The following MACROD2 variants were observed in gnomAD, a reference collection of about 807,000 sequenced individuals.
MACROD2 encodes the protein mono-ADP ribosylhydrolase 2.
Under a neutral mutation model 70.4 loss-of-function variants are expected in MACROD2, and 36 were observed. That is an observed-to-expected ratio of 0.51 (90% CI 0.39 to 0.68). The LOEUF (loss-of-function observed/expected upper bound fraction) is 0.68. MACROD2 is among the 30% of genes least tolerant of loss of function. The pLI is 0.00. For missense variants in MACROD2, 496 were observed against 538.4 expected, an observed-to-expected ratio of 0.92 and a Z score of 0.78; for synonymous variants, 172 against 178.8, an observed-to-expected ratio of 0.96 and a Z score of 0.30.
intron 10 of MACROD2, among the ~76,000 whole-genome samples, chr20:15,888,853 C>A (rs1284618494): frequency 1.3e-5 from 2 of 152,100 alleles, no homozygotes; most frequent in Non-Finnish European, 2.9e-5. Flanking sequence ...GGTGTGCATG[C>A]TGGCTTCATT....
intron 8 of MACROD2, among the ~76,000 whole-genome samples, chr20:15,839,550 A>G (rs1441463065): frequency 1.3e-5 from 2 of 152,182 alleles, no homozygotes; most frequent in Non-Finnish European, 1.5e-5. Flanking sequence ...GGGATAAGAA[A>G]CATGTGAAAC....
chr20:15,531,236 G>GAA, intron 8 of MACROD2, among the ~76,000 whole-genome samples: 1 of 151,270 alleles, frequency 6.6e-6, no homozygotes, highest in Non-Finnish European at 1.5e-5. Flanking sequence ...AAATCCCATT[G>GAA]TATTTTACTT....
chr20:15,505,293 G>T (rs986101581), intron 8 of MACROD2, among the ~76,000 whole-genome samples: 2 of 152,172 alleles, frequency 1.3e-5, no homozygotes, highest in Non-Finnish European at 2.9e-5. Flanking sequence ...GCTAGTCAGG[G>T]AATACGGCTT....
At chr20:15,920,623 C>T (rs1220861642) in intron 10 of MACROD2, among the ~76,000 whole-genome samples, 2 of 152,122 alleles carry the variant, frequency 1.3e-5, no homozygotes, top group African/African-American at 4.8e-5. Context: ...GACTCCACAA[C>T]ATGCAGTTTT....
chr20:14,914,275 G>T (rs547940468), intron 5 of MACROD2, among the ~76,000 whole-genome samples: 1 of 152,274 alleles, frequency 6.6e-6, no homozygotes, highest in East Asian at 1.9e-4. Context: ...ATTCAAGATT[G>T]TTCTGTTAAG....
chr20:15,665,352 G>T (rs1321537266), intron 8 of MACROD2, among the ~76,000 whole-genome samples: 1 of 152,068 alleles, frequency 6.6e-6, no homozygotes, highest in African/African-American at 2.4e-5. Flanking sequence ...TGACGTGCGT[G>T]GATTCCTATC....
chr20:16,016,596 C>T (rs1382503482), intron 15 of MACROD2, among the ~76,000 whole-genome samples: 1 of 152,132 alleles, frequency 6.6e-6, no homozygotes, highest in Non-Finnish European at 1.5e-5. Flanking sequence ...AGCACAGTGG[C>T]GCGATCTCGG....
intron 8 of MACROD2, among the ~76,000 whole-genome samples, chr20:15,600,801 A>G (rs954714238): frequency 2.3e-4 from 35 of 152,228 alleles, no homozygotes; most frequent in Non-Finnish European, 1.6e-4. Flanking sequence ...ATGCAGTGGC[A>G]GAGAAGAGCT....
At chr20:15,690,407 TTA>T (rs1266979513) in intron 8 of MACROD2, among the ~76,000 whole-genome samples, 2 of 152,134 alleles carry the variant, frequency 1.3e-5, no homozygotes, top group African/African-American at 4.8e-5. Flanking sequence ...AAGAAACAAG[TTA>T]AAGTTCCATT....
chr20:15,935,531 T>C (rs1434326740), intron 11 of MACROD2, among the ~76,000 whole-genome samples: 1 of 152,216 alleles, frequency 6.6e-6, no homozygotes, highest in East Asian at 1.9e-4. Context: ...TTCAATATAA[T>C]TTCCAGCTTC....
intron 7 of MACROD2, among the ~76,000 whole-genome samples, chr20:15,462,801 A>G (rs2224300): frequency 0.66 from 100,773 of 151,996 alleles, 34,459 homozygotes; most frequent in African/African-American, 0.81. Flanking sequence ...CCTTGTGGGA[A>G]CTATAATTGC....
intron 15 of MACROD2, among the ~76,000 whole-genome samples, chr20:15,989,948 G>A (rs928600867): frequency 6.6e-6 from 1 of 152,152 alleles, no homozygotes; most frequent in South Asian, 2.1e-4. Context: ...TGGCTCCCAG[G>A]TATATGGGCA....
intron 6 of MACROD2, among the ~76,000 whole-genome samples, chr20:15,276,067 A>G (rs1473573268): frequency 6.6e-6 from 1 of 152,180 alleles, no homozygotes; most frequent in Non-Finnish European, 1.5e-5. Flanking sequence ...ACTTTTCTTA[A>G]TAGAATATCA....
intron 8 of MACROD2, among the ~76,000 whole-genome samples, chr20:15,707,777 T>C (rs1294507767): frequency 6.6e-6 from 1 of 151,730 alleles, no homozygotes; most frequent in African/African-American, 2.4e-5. Flanking sequence ...AGAGTGAGAC[T>C]CTGTCTCAAC....
intron 4 of MACROD2, among the ~76,000 whole-genome samples, chr20:14,633,718 G>A (rs1449308592): frequency 1.3e-5 from 2 of 152,080 alleles, no homozygotes; most frequent in African/African-American, 4.8e-5. Flanking sequence ...CCCACATCCT[G>A]TCCTTAAACG....
intron 5 of MACROD2, among the ~76,000 whole-genome samples, chr20:14,782,857 G>A (rs947448201): frequency 6.6e-6 from 1 of 152,062 alleles, no homozygotes; most frequent in African/African-American, 2.4e-5. Flanking sequence ...CCGCATTACA[G>A]GTCACTTTGT....
intron 7 of MACROD2, among the ~76,000 whole-genome samples, chr20:15,476,275 A>G (rs1205180449): frequency 6.6e-6 from 1 of 152,246 alleles, no homozygotes; most frequent in East Asian, 1.9e-4. Context: ...TATATTTATC[A>G]AAAGAGCACT....
intron 8 of MACROD2, among the ~76,000 whole-genome samples, chr20:15,827,468 T>C (rs1171628156): frequency 1.3e-5 from 2 of 152,146 alleles, no homozygotes; most frequent in Non-Finnish European, 2.9e-5. Context: ...AAAACCCACC[T>C]GATGTTCTTT....
chr20:15,534,474 C>T (rs1011131562), intron 8 of MACROD2, among the ~76,000 whole-genome samples: 2 of 152,094 alleles, frequency 1.3e-5, no homozygotes, highest in African/African-American at 2.4e-5. Context: ...CTGAGAAAAG[C>T]GTTTCTGTAT....
Sources: allele counts gnomAD v4.1 joint callset (sites outside exome capture counted in the v4.1 genomes callset), GRCh38; gene constraint gnomAD v4.1.1; transcripts MANE v1.5; gene names NCBI Gene and HGNC (gene_info 2026-07-23, HGNC 2026-07-21).